The following NBEA variants were observed in gnomAD, a reference collection of about 807,000 sequenced individuals.
The protein encoded by NBEA is neurobeachin.
In NBEA, 44 loss-of-function variants were observed where a neutral mutation model predicts 343.4. The ratio of observed to expected loss-of-function variants is 0.13; its 90% confidence interval spans 0.10 to 0.16. The LOEUF (loss-of-function observed/expected upper bound fraction) is 0.16. Among genes scored for constraint, NBEA ranks in the 10% least tolerant of loss-of-function variants. The probability of loss-of-function intolerance (pLI) is 1.00; values close to 1 mark genes in which losing one functional copy is unlikely to be tolerated. For synonymous variants in NBEA, 1,175 were observed against 1,238.7 expected, an observed-to-expected ratio of 0.95 and a Z score of 1.08; for missense variants, 2,555 against 3,631.3, an observed-to-expected ratio of 0.70 and a Z score of 7.62.
At chr13:35,349,276 C>T in intron 37 of NBEA, 60 bp downstream of exon 37, 1 of 866,330 alleles carries the variant, frequency 1.2e-6, no homozygotes, top group Non-Finnish European at 1.7e-6. Context: ...AATCACCTAT[C>T]TGTGACCTTA....
chr13:35,013,994 T>C lies in NBEA; in HGVS notation c.295-26939T>C, dbSNP rs950343525. ...TTTAGAAATTCTCAACTGCATGAGT[T>C]AAATGCCTGACCCGTTTATTGTTAT... On this transcript the variant is annotated intron_variant, in intron 1 of 58. Coordinates refer to ENST00000379939, the MANE Select transcript of NBEA (RefSeq NM_001385012.1). Among the ~76,000 whole-genome samples the C allele has an allele frequency of 2.0e-5, 3 of 152,322 alleles. No homozygotes were observed. In the East Asian group the frequency reaches 5.8e-4, roughly 29 times the overall value.
intron 2 of NBEA, among the ~76,000 whole-genome samples, chr13:35,041,786 A>G (rs1033822184): frequency 5.3e-5 from 8 of 151,954 alleles, no homozygotes; most frequent in South Asian, 2.1e-4. Flanking sequence ...TTCACCACCA[A>G]CCGTTTACTA....
chr13:35,269,540 A>G (rs543389564), intron 34 of NBEA, among the ~76,000 whole-genome samples: 1 of 152,338 alleles, frequency 6.6e-6, no homozygotes, highest in Non-Finnish European at 1.5e-5. Flanking sequence ...GGAACAGACC[A>G]CATGATGTCA....
chr13:35,454,931 TTAATA>T (rs2046490424), intron 40 of NBEA, among the ~76,000 whole-genome samples: 1 of 151,962 alleles, frequency 6.6e-6, no homozygotes, highest in African/African-American at 2.4e-5. Context: ...GTGTACAATA[TTAATA>T]TAATCTTATA....
intron 1 of NBEA, among the ~76,000 whole-genome samples, chr13:34,987,976 C>T (rs2060617075): frequency 6.6e-6 from 1 of 150,916 alleles, no homozygotes; most frequent in South Asian, 2.1e-4. Context: ...TTATTACTGA[C>T]CTTCTGAAGC....
intron 34 of NBEA, among the ~76,000 whole-genome samples, chr13:35,256,429 T>C (rs1342603807): frequency 2.0e-5 from 3 of 152,110 alleles, no homozygotes; most frequent in African/African-American, 7.2e-5. Flanking sequence ...TCACCATAAG[T>C]TCTCACTCTG....
chr13:34,957,217 C>T (rs914184602), intron 1 of NBEA, among the ~76,000 whole-genome samples: 4 of 152,086 alleles, frequency 2.6e-5, no homozygotes, highest in Admixed American at 2.6e-4. Flanking sequence ...ATGTATTGCT[C>T]CACACCTAGC....
At chr13:35,370,836 T>G (rs1188855943) in intron 38 of NBEA, among the ~76,000 whole-genome samples, 1 of 152,122 alleles carries the variant, frequency 6.6e-6, no homozygotes, top group Non-Finnish European at 1.5e-5. Flanking sequence ...CAGCTTTTGC[T>G]TGTCTGGGAA....
intron 1 of NBEA, among the ~76,000 whole-genome samples, chr13:34,993,962 C>T (rs2060848252): frequency 6.6e-6 from 1 of 151,924 alleles, no homozygotes; most frequent in East Asian, 1.9e-4. Context: ...CTTTGGGAGG[C>T]TGAGGCAGGT....
intron 1 of NBEA, among the ~76,000 whole-genome samples, chr13:35,037,200 A>G (rs769664235): frequency 6.6e-6 from 1 of 152,178 alleles, no homozygotes; most frequent in Non-Finnish European, 1.5e-5. Flanking sequence ...ATTCTTAAGT[A>G]TGCCAATTGC....
chr13:35,112,964 T>A lies in NBEA; in HGVS notation c.2002+1986T>A, dbSNP rs534228609. Among the ~76,000 whole-genome samples, 16 of 152,230 alleles carry A rather than the reference T, an allele frequency of 1.1e-4. No individual in the cohort carries two copies. In the East Asian group the frequency reaches 3.1e-3, roughly 29 times the overall value. On this transcript the variant is annotated intron_variant, in intron 13 of 58. Coordinates refer to ENST00000379939, the MANE Select transcript of NBEA (RefSeq NM_001385012.1). ...ACTATCATCTAATTCAGAGACCCCA[T>A]TCAAATTTCACTAATTACACTAATA... is the stretch of plus-strand genomic sequence containing the variant.
chr13:35,526,972 G>A (rs946276592), intron 41 of NBEA, among the ~76,000 whole-genome samples: 2 of 152,062 alleles, frequency 1.3e-5, no homozygotes, highest in Non-Finnish European at 2.9e-5. Context: ...TCACAACCAT[G>A]GCTCAGGGAG....
intron 36 of NBEA, among the ~76,000 whole-genome samples, chr13:35,346,720 A>G (rs556569928): frequency 6.6e-6 from 1 of 152,240 alleles, no homozygotes; most frequent in African/African-American, 2.4e-5. Context: ...TCCTGCTGCT[A>G]TGCAAGATTT....
chr13:35,445,486 T>A (rs2045954402), intron 39 of NBEA, among the ~76,000 whole-genome samples: 1 of 151,938 alleles, frequency 6.6e-6, no homozygotes, highest in South Asian at 2.1e-4. Flanking sequence ...TTGGTCTGAA[T>A]TTTTTTAATG....
At chr13:35,470,569 A>G (rs1299582487) in intron 40 of NBEA, among the ~76,000 whole-genome samples, 1 of 152,230 alleles carries the variant, frequency 6.6e-6, no homozygotes, top group Non-Finnish European at 1.5e-5. Context: ...CCAACAATGT[A>G]CAACTTTGTT....
chr13:35,452,714 T>C (rs936161949), intron 40 of NBEA, among the ~76,000 whole-genome samples: 4 of 152,212 alleles, frequency 2.6e-5, no homozygotes, highest in Admixed American at 6.5e-5. Context: ...CACTAGCAGA[T>C]ATTCTTTCCC....
chr13:35,413,433 C>T (rs1016838931), intron 38 of NBEA, among the ~76,000 whole-genome samples: 1 of 152,066 alleles, frequency 6.6e-6, no homozygotes, highest in African/African-American at 2.4e-5. Flanking sequence ...TTTGTTACTA[C>T]GTATTAAATA....
intron 39 of NBEA, among the ~76,000 whole-genome samples, chr13:35,449,672 C>A (rs1460359259): frequency 6.6e-6 from 1 of 152,112 alleles, no homozygotes; most frequent in African/African-American, 2.4e-5. Context: ...GGCTTTATAT[C>A]ACCAAAAATC....
Position 35,009,817 on chromosome 13 carries a change from T to C in NBEA, c.295-31116T>C, listed in dbSNP as rs533832484. On this transcript the variant is annotated intron_variant, in intron 1 of 58. Transcript: ENST00000379939. ...GGAGGAATACTCTTTTAGATCAGGG[T>C]GCTAGCAGTGCAAGTAGAAAGAACT... Among the ~76,000 whole-genome samples the C allele has an allele frequency of 9.9e-5, 15 of 152,254 alleles. No homozygotes were observed. The East Asian group carries it at 2.7e-3, about 27-fold the overall frequency.
Sources: gnomAD v4.1 joint callset for allele counts (sites outside exome capture counted in the v4.1 genomes callset) on GRCh38, gnomAD v4.1.1 for gene constraint, MANE v1.5 for transcripts, NCBI Gene and HGNC (gene_info 2026-07-23, HGNC 2026-07-21) for gene names.